The following UNC13D variants were observed in gnomAD, a reference collection of about 807,000 sequenced individuals.
UNC13D encodes unc-13 homolog D, also known as protein unc-13 homolog D.
UNC13D carries 115 observed loss-of-function variants against 151.7 expected under a neutral mutation model. The observed-to-expected ratio is 0.76, with a 90% CI of 0.65 to 0.88. The LOEUF is 0.88. Among genes scored for constraint, UNC13D ranks in the 40% least tolerant of loss-of-function variants. The probability of loss-of-function intolerance (pLI) is 0.00; values close to 1 mark genes in which losing one functional copy is unlikely to be tolerated. For missense variants in UNC13D, 1,369 were observed against 1,438.7 expected (o/e 0.95, Z 0.78); for synonymous variants, 588 against 612.2 (o/e 0.96, Z 0.58).
chr17:75,842,683 C>A (rs1326587710), intron 5 of UNC13D, 70 bp from the exon 6 acceptor site: 5 of 1,606,364 alleles, frequency 3.1e-6, no homozygotes, highest in African/African-American at 1.3e-5. Flanking sequence ...CCTCATCACC[C>A]CCGCCCGGGG....
Position 75,833,616 on chromosome 17 carries a change from G to A in UNC13D, c.2367+459C>T, listed in dbSNP as rs2064887246. On this transcript the variant is annotated intron_variant, in intron 24 of 31. Transcript: ENST00000207549. This position sits in a 1 kb window ranked among gnomAD's most constrained non-coding sequence, Gnocchi z 4.0. ...CTAGAACGTGGGCTCCAGGAAAGCA[G>A]GTATTTTGTCATATTGTTCACTGAC... is the stretch of plus-strand genomic sequence containing the variant. Among the ~76,000 whole-genome samples, 1 of 152,156 alleles carries A rather than the reference G, an allele frequency of 6.6e-6. No homozygotes were observed. Among genetic ancestry groups the A allele is most frequent in the Non-Finnish European group, 1.5e-5 (1 of 68,034 alleles).
rs1273199472 is a variant in UNC13D, at chr17:75,843,231, G to A, written c.189C>T (p.Val63=). 6.2e-7 allele frequency: 1 copy of A among 1,610,930 alleles called. No individual in the cohort carries two copies. The highest frequency in any genetic ancestry group is 1.3e-5 in the African/African-American group (1 of 75,022). Residue 63 remains valine, a synonymous_variant, in exon 3 of 32, where the codon GTC becomes GTT. Transcript: ENST00000207549. Reference sequence around the variant, plus strand: ...GCTCAGGATGACCCAGGCGGTGCAAGACAGTGTAGAGTGCGTCCTCGTAGA... The same window carrying A: ...GCTCAGGATGACCCAGGCGGTGCAAAACAGTGTAGAGTGCGTCCTCGTAGA... ...ALLYEDALYT[V]LHRLGHPEPN...
chr17:75,841,353 C>T (rs143586720), intron 6 of UNC13D, among the ~76,000 whole-genome samples: 3,801 of 151,454 alleles, frequency 0.025, 65 homozygotes, highest in Non-Finnish European at 0.041. Flanking sequence ...CTGTGTTGGC[C>T]ACACTGGTCT....
intron 20 of UNC13D, 168 bp from the exon 21 acceptor site, chr17:75,835,231 G>T: frequency 7.2e-7 from 1 of 1,397,788 alleles, no homozygotes; most frequent in Non-Finnish European, 9.7e-7. Context: ...CAGGCAAAGT[G>T]AAGCCACAGC....
chr17:75,843,633 C>T (rs1431512640), intron 1 of UNC13D, 114 bp from the exon 2 acceptor site: 2 of 1,529,442 alleles, frequency 1.3e-6, no homozygotes, highest in African/African-American at 1.4e-5. Context: ...CCCCAGCACC[C>T]CGGCCTCCAG....
At chr17:75,831,021 C>T in intron 27 of UNC13D, 77 bp downstream of exon 27, 1 of 1,546,222 alleles carries the variant, frequency 6.5e-7, no homozygotes, top group Non-Finnish European at 8.9e-7. Context: ...AATTATGTAG[C>T]CGACCCTGGA....
Position 75,843,491 on chromosome 17 carries a change from G to C in UNC13D, c.146C>G (p.Pro49Arg). 7 of 1,610,728 alleles carry C rather than the reference G, an allele frequency of 4.3e-6. No individual in the cohort carries two copies. The highest frequency in any genetic ancestry group is 5.9e-6 in the Non-Finnish European group (7 of 1,179,130). ...CAGCACTCTGACTCTTACCTGCTCGGGGGAGAAGTGGTGGGATGGAGGCTG... is the reference window on the plus strand; with the variant it reads ...CAGCACTCTGACTCTTACCTGCTCGCGGGAGAAGTGGTGGGATGGAGGCTG... ...EIQPPSHHFS[P>R]EQRALLYEDA... The change falls in exon 2 of 32, where the codon CCC (proline) becomes CGC (arginine). Residue 49 changes from proline to arginine, a missense_variant. Pro to Arg is a moderately radical substitution (Grantham distance 103). Coordinates refer to ENST00000207549, the MANE Select transcript of UNC13D (RefSeq NM_199242.3).
chr17:75,834,484 G>A lies in UNC13D; in HGVS notation c.2139C>T (p.Gly713=). The A allele has an allele frequency of 6.4e-7, 1 of 1,568,892 alleles. No individual in the cohort carries two copies. Among genetic ancestry groups the A allele is most frequent in the South Asian group, 1.1e-5 (1 of 87,042 alleles). ...CCCATGCCAGCTGGGCGGGCAACTT[G>A]CCGATCACCAGCCGCAGCTGCTCCA... is the stretch of plus-strand genomic sequence containing the variant. ...NDMEQLRLVI[G]KLPAQLAWEA... The change falls in exon 23 of 32, where the codon GGC becomes GGT. Residue 713 remains glycine (G), a synonymous_variant. Coordinates refer to ENST00000207549, the MANE Select transcript of UNC13D (RefSeq NM_199242.3).
At chr17:75,841,887 T>C (rs1599414217) in intron 6 of UNC13D, among the ~76,000 whole-genome samples, 1 of 151,908 alleles carries the variant, frequency 6.6e-6, no homozygotes, top group African/African-American at 2.4e-5. Context: ...TAGCTGGGAC[T>C]ACAGGCGCCT....
At position 75,833,520 on chromosome 17, in the gene UNC13D, TAG is replaced by T. The variant is rs1303413186; in HGVS notation, c.2368-477_2368-476del. 1.3e-5 allele frequency among the ~76,000 whole-genome samples: 2 copies of T among 152,212 alleles called. No homozygotes were observed. The highest frequency in any genetic ancestry group is 3.8e-4 in the East Asian group (2 of 5,200). On this transcript the variant is annotated intron_variant, in intron 24 of 31. Coordinates refer to ENST00000207549, the MANE Select transcript of UNC13D (RefSeq NM_199242.3). This position sits in a 1 kb window ranked among gnomAD's most constrained non-coding sequence, Gnocchi z 4.0. ...GTGCACGCGCATACACGCCTGTGCA[TAG>T]AGTTAACAGCTATAACTATCACTAT...
rs34691954 is a variant in UNC13D at position 75,841,135 on chromosome 17, C to CTTT, written c.570-137_570-135dup. On this transcript the variant is annotated intron_variant, in intron 6 of 31. Coordinates refer to ENST00000207549, the MANE Select transcript of UNC13D (RefSeq NM_199242.3). ...AACTTCCCTCCTCCCAGCCGCATCC[C>CTTT]TTTTTTTTTTTTTTTTTTTTTTTTT... The CTTT allele has an allele frequency of 4.8e-3, 1,468 of 305,584 alleles. 6 individuals carry two copies. Among genetic ancestry groups the CTTT allele is most frequent in the African/African-American group, 0.015 (324 of 21,868 alleles). The allele number at this position is 305,584 out of a possible 1,614,324, so 18.9% of individuals were successfully genotyped here. A position where few individuals can be genotyped will look rare whatever the true frequency, so the allele number is the denominator to read the frequency against.
chr17:75,841,132 TC>T (rs1411355071), intron 6 of UNC13D, 131 bp from the exon 7 acceptor site: 2 of 493,420 alleles, frequency 4.1e-6, no homozygotes, highest in Non-Finnish European at 7.0e-6. Flanking sequence ...CCCAGCCGCA[TC>T]CCTTTTTTTT....
In UNC13D at chr17:75,827,860, T is replaced by C. The variant is rs2062134232; in HGVS notation, c.*105A>G. ...CCGCATGCTGGGGCTCCCCAAGTGT[T>C]AGGCCAGGCTGGAGGGCCGCGATGT... On this transcript the variant is annotated 3_prime_UTR_variant, in exon 32 of 32. Coordinates refer to ENST00000207549, the MANE Select transcript of UNC13D (RefSeq NM_199242.3). The C allele has an allele frequency of 6.5e-7, 1 of 1,541,212 alleles. No individual in the cohort carries two copies. The highest frequency in any genetic ancestry group is 1.9e-5 in the Admixed American group (1 of 53,126).
intron 29 of UNC13D, 44 bp from the exon 30 acceptor site, chr17:75,830,195 G>C: frequency 6.4e-7 from 1 of 1,572,084 alleles, no homozygotes. Context: ...GGGTCTCCCA[G>C]GCACCCCACC....
chr17:75,843,931 G>A, intron 1 of UNC13D: 1 of 1,385,018 alleles, frequency 7.2e-7, no homozygotes, highest in Non-Finnish European at 9.4e-7. Context: ...CCACCTAATG[G>A]AGTCGGCTCT....
In UNC13D at chr17:75,835,746, A is replaced by G. The variant is rs2064903706; in HGVS notation, c.1628T>C (p.Val543Ala). 6.2e-7 allele frequency: 1 copy of G among 1,613,822 alleles called. No homozygotes were observed. The highest frequency in any genetic ancestry group is 8.5e-7 in the Non-Finnish European group (1 of 1,180,022). The change falls in exon 19 of 32, where the codon GTT becomes GCT. Residue 543 changes from valine to alanine, a missense_variant. Transcript: ENST00000207549. ...VAKRVQDHTT[V>A]VGDVVSPEMG... ...CTCTGGGGACACTACATCACCCACA[A>G]CCGTCGTGTGGTCCTGCACCCGCTT... is the stretch of plus-strand genomic sequence containing the variant.
intron 20 of UNC13D, 59 bp downstream of exon 20, chr17:75,835,350 A>G: frequency 6.3e-7 from 1 of 1,591,584 alleles, no homozygotes; most frequent in Non-Finnish European, 8.6e-7. Context: ...AGGTCCAGGC[A>G]GAACCCAAGC....
In UNC13D at chr17:75,827,979, G is replaced by A. The variant is rs533281672; in HGVS notation, c.3259C>T (p.Arg1087Trp). The A allele has an allele frequency of 2.2e-5, 35 of 1,605,072 alleles. No individual in the cohort carries two copies. In the African/African-American group the frequency reaches 2.8e-4, roughly 13 times the overall value. ...RAKQASQHAL[R>W]PAP is the part of the protein sequence containing the mutation. ...AACCTCTACGGCTACGGTGCCGGCC[G>A]CAAGGCATGCTGGGAGGCCTGCTTG... Residue 1087 changes from arginine to tryptophan, a missense_variant, in exon 32 of 32, where the codon CGG (arginine) becomes TGG (tryptophan). By Grantham distance (101) the Arg-to-Trp change is moderately radical. Coordinates refer to ENST00000207549, the MANE Select transcript of UNC13D (RefSeq NM_199242.3).
At position 75,833,967 on chromosome 17, in the gene UNC13D, T is replaced by C; in HGVS notation, c.2367+108A>G. 1.4e-6 allele frequency: 2 copies of C among 1,405,010 alleles called. No individual in the cohort carries two copies. The highest frequency in any genetic ancestry group is 2.0e-6 in the Non-Finnish European group (2 of 999,238). 87.0% of individuals were successfully genotyped at this position (1,405,010 alleles called of 1,614,324 possible). On this transcript the variant is annotated intron_variant, in intron 24 of 31. Transcript: ENST00000207549. This position sits in a 1 kb window ranked among gnomAD's most constrained non-coding sequence, Gnocchi z 4.0. ...GAAACTGAGGCCCAGGGAGAGAACA[T>C]GCTTTGCCTGGTCTGGGGGACTTAT...
Sources: allele counts gnomAD v4.1 joint callset (sites outside exome capture counted in the v4.1 genomes callset), GRCh38; gene constraint gnomAD v4.1.1; non-coding constraint Gnocchi (gnomAD v3.1); transcripts MANE v1.5; gene names NCBI Gene and HGNC (gene_info 2026-07-23, HGNC 2026-07-21).